GALNT13: variants seen among roughly 807,000 people sequenced by gnomAD.
GALNT13 encodes the protein polypeptide N-acetylgalactosaminyltransferase 13, also known as UDP-GalNAc:polypeptide N-acetylgalactosaminyltransferase 13.
In GALNT13, 28 loss-of-function variants were observed where a neutral mutation model predicts 64.2. That is an observed-to-expected ratio of 0.44 (90% confidence interval 0.32 to 0.60). The LOEUF (loss-of-function observed/expected upper bound fraction) is 0.60. GALNT13 is among the 20% of genes least tolerant of loss of function. The pLI, the probability that GALNT13 is intolerant of heterozygous loss-of-function variation, is 0.05. For synonymous variants in GALNT13, 214 were observed against 224.6 expected (o/e 0.95, Z 0.42); for missense variants, 577 against 669.8 (o/e 0.86, Z 1.53).
At chr2:153,180,220 A>G in the GALNT13 span, among the ~76,000 whole-genome samples, 1 of 152,116 alleles carries the variant, frequency 6.6e-6, no homozygotes, top group East Asian at 1.9e-4. Flanking sequence ...TAATTTGTTG[A>G]AAGTTTTTAT....
chr2:154,412,310 A>G (rs1699829062), intron 11 of GALNT13, among the ~76,000 whole-genome samples: 1 of 151,712 alleles, frequency 6.6e-6, no homozygotes, highest in African/African-American at 2.4e-5. Flanking sequence ...TGTCTTTCTC[A>G]CTTTAATAAA....
intron 8 of GALNT13, among the ~76,000 whole-genome samples, chr2:154,282,517 T>C (rs1692014879): frequency 6.6e-6 from 1 of 152,142 alleles, no homozygotes; most frequent in African/African-American, 2.4e-5. Context: ...CATAAATATA[T>C]GGCCAAAAAC....
chr2:154,369,712 G>T (rs1697573742), intron 9 of GALNT13, among the ~76,000 whole-genome samples: 1 of 152,154 alleles, frequency 6.6e-6, no homozygotes, highest in African/African-American at 2.4e-5. Context: ...ACAGCAGGCT[G>T]CTATAACAGA....
At position 154,395,892 on chromosome 2, in the gene GALNT13, G is replaced by C. The variant is rs1699031645; in HGVS notation, c.1157-99G>C. ...GCTGCATATGCAATTGAATTTGCTG[G>C]AATTATGAAGAAGAAAACTGATAGC... On this transcript the variant is annotated intron_variant, in intron 9 of 12. Coordinates refer to ENST00000392825, the MANE Select transcript of GALNT13 (RefSeq NM_052917.4). 4 of 1,099,528 alleles carry C rather than the reference G, an allele frequency of 3.6e-6. No individual in the cohort carries two copies. The East Asian group carries it at 1.2e-4, about 32-fold the overall frequency. The allele number at this position is 1,099,528 out of a possible 1,614,324, so 68.1% of individuals were successfully genotyped here.
At chr2:154,109,948 C>T (rs190177606) in intron 3 of GALNT13, among the ~76,000 whole-genome samples, 1 of 151,876 alleles carries the variant, frequency 6.6e-6, no homozygotes, top group Non-Finnish European at 1.5e-5. Flanking sequence ...TCTGTTTTGT[C>T]CTTGTTCTGG....
At chr2:154,311,265 C>T (rs186333115) in intron 9 of GALNT13, among the ~76,000 whole-genome samples, 49 of 151,972 alleles carry the variant, frequency 3.2e-4, no homozygotes, top group Admixed American at 5.9e-4. Context: ...GGTCCTGCCC[C>T]GATAATCACG....
At chr2:153,140,023 A>C in the GALNT13 span, among the ~76,000 whole-genome samples, 2 of 151,938 alleles carry the variant, frequency 1.3e-5, no homozygotes, top group African/African-American at 2.4e-5. Flanking sequence ...CCAGCCCTTA[A>C]AAGCAATAGG....
At chr2:154,376,020 C>T (rs1160876599) in intron 9 of GALNT13, among the ~76,000 whole-genome samples, 6 of 152,258 alleles carry the variant, frequency 3.9e-5, no homozygotes, top group South Asian at 4.1e-4. Context: ...AAATACAAAG[C>T]CCACAATATA....
the GALNT13 span, among the ~76,000 whole-genome samples, chr2:153,506,680 A>G: frequency 2.0e-5 from 3 of 152,220 alleles, no homozygotes; most frequent in Non-Finnish European, 4.4e-5. Context: ...AATCCCTTCT[A>G]GCTTGTAGGG....
At chr2:153,878,915 T>C (rs966812934) in intron 1 of GALNT13, among the ~76,000 whole-genome samples, 3 of 152,140 alleles carry the variant, frequency 2.0e-5, no homozygotes, top group African/African-American at 7.2e-5. Flanking sequence ...ACCTAAGACA[T>C]TAGTTTCATT....
chr2:153,397,881 T>G, the GALNT13 span, among the ~76,000 whole-genome samples: 2 of 152,126 alleles, frequency 1.3e-5, no homozygotes, highest in African/African-American at 2.4e-5. Flanking sequence ...CTGACTTACC[T>G]GAAAACTTGC....
At chr2:153,393,329 C>G in the GALNT13 span, among the ~76,000 whole-genome samples, 14 of 150,348 alleles carry the variant, frequency 9.3e-5, no homozygotes, top group African/African-American at 3.4e-4. Context: ...TCTCTAGTTT[C>G]TTTGTCTTGT....
intron 2 of GALNT13, among the ~76,000 whole-genome samples, chr2:153,912,324 A>G (rs1688999750): frequency 1.3e-5 from 2 of 151,926 alleles, no homozygotes; most frequent in Admixed American, 1.3e-4. Flanking sequence ...TATGATTCTT[A>G]GTTTCCTTAG....
the GALNT13 span, among the ~76,000 whole-genome samples, chr2:153,500,303 T>C: frequency 6.6e-6 from 1 of 152,118 alleles, no homozygotes. Flanking sequence ...ACTGGGTTAT[T>C]AGAAGACATA....
chr2:153,815,155 T>A, the GALNT13 span, among the ~76,000 whole-genome samples: 2 of 152,212 alleles, frequency 1.3e-5, no homozygotes, highest in African/African-American at 4.8e-5. Flanking sequence ...CTTTCTCAGA[T>A]GGACTTCATT....
chr2:153,673,506 C>T, the GALNT13 span, among the ~76,000 whole-genome samples: 1 of 152,168 alleles, frequency 6.6e-6, no homozygotes, highest in Admixed American at 6.5e-5. Flanking sequence ...CAAAATACAA[C>T]AGCCTTTCAT....
In GALNT13 at chr2:154,042,183, G is replaced by A. The variant is rs757939661; in HGVS notation, c.142+97544G>A. On this transcript the variant is annotated intron_variant, in intron 3 of 12. Coordinates refer to ENST00000392825, the MANE Select transcript of GALNT13 (RefSeq NM_052917.4). ...GATGGCTGGAAAGAACACTAGAGGA[G>A]GACCCCTGAATATCCATTTTCACTT... 2.1e-4 allele frequency among the ~76,000 whole-genome samples: 29 copies of A among 139,736 alleles called. 5 individuals carry two copies. The highest frequency in any genetic ancestry group is 3.8e-4 in the Non-Finnish European group (23 of 60,892). 91.7% of individuals were successfully genotyped at this position (139,736 alleles called of 152,430 possible).
chr2:153,605,401 T>C, the GALNT13 span, among the ~76,000 whole-genome samples: 13 of 152,118 alleles, frequency 8.5e-5, no homozygotes, highest in Non-Finnish European at 1.3e-4. Flanking sequence ...TTCTCTGTTA[T>C]TATGAACTGC....
At chr2:153,295,322 T>C in the GALNT13 span, among the ~76,000 whole-genome samples, 310 of 152,242 alleles carry the variant, frequency 2.0e-3, 2 homozygotes, top group African/African-American at 7.2e-3. Context: ...GAGAAGACAT[T>C]ATAAACCCCA....
Sources: allele counts gnomAD v4.1 joint callset (sites outside exome capture counted in the v4.1 genomes callset), GRCh38; gene constraint gnomAD v4.1.1; transcripts MANE v1.5; gene names NCBI Gene and HGNC (gene_info 2026-07-23, HGNC 2026-07-21).